Variants in NLGN1 observed in about 807,000 individuals in gnomAD.
NLGN1 encodes the protein neuroligin-1.
A neutral mutation model predicts 65.5 loss-of-function variants in NLGN1; 12 were observed. That is an observed-to-expected ratio of 0.18 (90% confidence interval 0.12 to 0.30). The LOEUF (loss-of-function observed/expected upper bound fraction) is 0.30. Ranked by LOEUF, NLGN1 falls within the 10% of genes least tolerant of loss-of-function variation. NLGN1 has a pLI of 1.00. For missense variants in NLGN1, 750 were observed against 1,007.1 expected (o/e 0.74, Z 3.46); for synonymous variants, 350 against 359.5 (o/e 0.97, Z 0.30).
At chr3:174,291,618 A>G (rs1752770973), downstream of NLGN1, among the ~76,000 whole-genome samples, 2 of 151,324 alleles carry the variant, frequency 1.3e-5, no homozygotes, top group South Asian at 4.1e-4. Context: ...AGACGTTAGA[A>G]TGTAAGCAAG....
intron 3 of NLGN1, among the ~76,000 whole-genome samples, chr3:173,635,595 G>A (rs991132144): frequency 2.0e-5 from 3 of 152,074 alleles, no homozygotes; most frequent in Admixed American, 6.6e-5. Flanking sequence ...CAGGAAACAC[G>A]TTTTTGGAAA....
At chr3:173,742,739 G>T (rs906952122) in intron 3 of NLGN1, among the ~76,000 whole-genome samples, 1 of 152,072 alleles carries the variant, frequency 6.6e-6, no homozygotes, top group African/African-American at 2.4e-5. Context: ...ATTTGTGCTA[G>T]ACATTTTTGC....
intron 4 of NLGN1, among the ~76,000 whole-genome samples, chr3:174,188,218 C>T (rs1199727957): frequency 2.0e-5 from 3 of 152,010 alleles, no homozygotes; most frequent in Non-Finnish European, 2.9e-5. Context: ...CTTCTAAAAA[C>T]GTCTTTTGGA....
intron 2 of NLGN1, among the ~76,000 whole-genome samples, chr3:173,570,590 C>G (rs1010826505): frequency 6.6e-6 from 1 of 152,050 alleles, no homozygotes; most frequent in Admixed American, 6.5e-5. Context: ...AAGCCCTCCC[C>G]CCAATGGGTG....
At chr3:174,188,853 G>A (rs1191204036) in intron 4 of NLGN1, among the ~76,000 whole-genome samples, 1 of 151,932 alleles carries the variant, frequency 6.6e-6, no homozygotes, top group Non-Finnish European at 1.5e-5. Flanking sequence ...GGCAAATAGA[G>A]AATAGACCCA....
At chr3:174,125,415 A>G (rs972183585) in intron 4 of NLGN1, among the ~76,000 whole-genome samples, 4 of 152,112 alleles carry the variant, frequency 2.6e-5, no homozygotes, top group Non-Finnish European at 5.9e-5. Flanking sequence ...GAAGATTATC[A>G]AAAATGATCC....
At chr3:173,600,902 ATG>A (rs756012912) in intron 2 of NLGN1, among the ~76,000 whole-genome samples, 201 of 152,092 alleles carry the variant, frequency 1.3e-3, no homozygotes, top group South Asian at 1.4e-3. Context: ...TAGTTATCTA[ATG>A]TTCTCCCTAC....
Position 173,410,675 on chromosome 3 carries a change from G to A in NLGN1, c.-390+12188G>A, listed in dbSNP as rs370051592. On this transcript the variant is annotated intron_variant, in intron 1 of 6. Transcript: ENST00000457714. The stretch of plus-strand genomic sequence containing the variant: ...CTTGCTAGGGGTGAGTATTTAATAG[G>A]TGCCTTTGTAAAATCTCCAAACTAG... Among the ~76,000 whole-genome samples the A allele has an allele frequency of 6.6e-5, 10 of 152,230 alleles. No homozygotes were observed. In the South Asian group the frequency reaches 8.3e-4, roughly 13 times the overall value.
chr3:174,213,377 TATTTC>T (rs1199938355), intron 4 of NLGN1, among the ~76,000 whole-genome samples: 1 of 152,188 alleles, frequency 6.6e-6, no homozygotes, highest in Non-Finnish European at 1.5e-5. Flanking sequence ...ACATGTCAAA[TATTTC>T]ATTCAACTTA....
intron 4 of NLGN1, among the ~76,000 whole-genome samples, chr3:174,273,047 T>TTGAC (rs1749778623): frequency 6.6e-6 from 1 of 151,600 alleles, no homozygotes; most frequent in African/African-American, 2.4e-5. Flanking sequence ...ACAAAGCTAT[T>TTGAC]TGACTAAAGA....
intron 4 of NLGN1, among the ~76,000 whole-genome samples, chr3:174,026,150 A>T (rs570359771): frequency 6.6e-6 from 1 of 152,220 alleles, no homozygotes; most frequent in Non-Finnish European, 1.5e-5. Flanking sequence ...TATTTTTGAG[A>T]CAAGGTCTCT....
intron 3 of NLGN1, among the ~76,000 whole-genome samples, chr3:173,680,875 G>T (rs1438107007): frequency 1.3e-5 from 2 of 152,146 alleles, no homozygotes; most frequent in Non-Finnish European, 2.9e-5. Flanking sequence ...GGCTCCAACT[G>T]AAGCAATGTG....
rs1762450576 is a variant in NLGN1, at chr3:173,671,519, T to C, written c.493+66428T>C. On this transcript the variant is annotated intron_variant, in intron 3 of 6. Coordinates refer to ENST00000457714, the Ensembl canonical transcript of NLGN1. ...TTTTACCTTAACATGGTTAACCACA[T>C]TGGAAGACAGAGGATCTTGATATGA... is the stretch of plus-strand genomic sequence containing the variant. Among the ~76,000 whole-genome samples the C allele has an allele frequency of 2.0e-5, 3 of 152,260 alleles. No individual in the cohort carries two copies. In the South Asian group the frequency reaches 6.2e-4, roughly 32 times the overall value.
At chr3:174,165,167 T>C (rs995881492) in intron 4 of NLGN1, among the ~76,000 whole-genome samples, 9 of 151,960 alleles carry the variant, frequency 5.9e-5, no homozygotes, top group Non-Finnish European at 1.0e-4. Context: ...TTTTGACTTT[T>C]TCTTTTATTA....
At chr3:173,787,334 G>A (rs766429946) in intron 3 of NLGN1, among the ~76,000 whole-genome samples, 11 of 152,100 alleles carry the variant, frequency 7.2e-5, no homozygotes, top group Non-Finnish European at 1.3e-4. Flanking sequence ...TTCAGGACAT[G>A]GCTGTTTATC....
intron 4 of NLGN1, among the ~76,000 whole-genome samples, chr3:174,016,330 C>T (rs138729648): frequency 1.3e-3 from 202 of 152,286 alleles, no homozygotes; most frequent in African/African-American, 4.4e-3. Flanking sequence ...TAAAAGTACA[C>T]GTACAAATAC....
intron 3 of NLGN1, among the ~76,000 whole-genome samples, chr3:173,796,568 A>G (rs1422188532): frequency 6.6e-6 from 1 of 152,118 alleles, no homozygotes; most frequent in Admixed American, 6.6e-5. Flanking sequence ...CTCCCTTTCA[A>G]AATGACAGGA....
At chr3:174,262,115 T>G (rs1747045240) in intron 4 of NLGN1, among the ~76,000 whole-genome samples, 1 of 85,420 alleles carries the variant, frequency 1.2e-5, no homozygotes, top group Non-Finnish European at 2.2e-5. Context: ...TTTGCATCAA[T>G]GTTCATCAAG....
intron 4 of NLGN1, among the ~76,000 whole-genome samples, chr3:174,205,729 G>T (rs1375560867): frequency 6.6e-6 from 1 of 152,136 alleles, no homozygotes; most frequent in African/African-American, 2.4e-5. Context: ...TGACTAATTT[G>T]TATATATTAA....
Sources: allele counts gnomAD v4.1 joint callset (sites outside exome capture counted in the v4.1 genomes callset), GRCh38; gene constraint gnomAD v4.1.1; transcripts MANE v1.5; gene names NCBI Gene and HGNC (gene_info 2026-07-23, HGNC 2026-07-21).